DSCAM: variants seen among roughly 807,000 people sequenced by gnomAD.
DSCAM encodes the protein DS cell adhesion molecule.
A neutral mutation model predicts 217.7 loss-of-function variants in DSCAM; 47 were observed. The ratio of observed to expected loss-of-function variants is 0.22; its 90% CI spans 0.17 to 0.28. The LOEUF is 0.28. DSCAM is among the 10% of genes least tolerant of loss of function. The pLI is 1.00. For synonymous variants in DSCAM, 1,056 were observed against 1,015.3 expected, an observed-to-expected ratio of 1.04 and a Z score of -0.76; for missense variants, 2,080 against 2,618.3, an observed-to-expected ratio of 0.79 and a Z score of 4.49.
intron 2 of DSCAM, among the ~76,000 whole-genome samples, chr21:40,697,438 T>C (rs1318358708): frequency 6.6e-6 from 1 of 152,216 alleles, no homozygotes. Context: ...GTTTCCCTAG[T>C]GTTTTCTTTC....
chr21:40,804,649 A>G (rs147422153), intron 1 of DSCAM, among the ~76,000 whole-genome samples: 1 of 151,988 alleles, frequency 6.6e-6, no homozygotes, highest in African/African-American at 2.4e-5. Flanking sequence ...TCGACTACTT[A>G]TCTGTTCCTT....
At position 40,830,590 on chromosome 21, in the gene DSCAM, G is replaced by A. The variant is rs564735364; in HGVS notation, c.43+16029C>T. Among the ~76,000 whole-genome samples the A allele has an allele frequency of 4.6e-5, 7 of 152,294 alleles. No homozygotes were observed. In the South Asian group the frequency reaches 6.2e-4, roughly 14 times the overall value. Reference sequence around the variant, plus strand: ...CAGGAGTTCTGGAATTAGACTGCCCGGGTTCAAATCCTGCTTCCACCCCGG... The same window carrying A: ...CAGGAGTTCTGGAATTAGACTGCCCAGGTTCAAATCCTGCTTCCACCCCGG... On this transcript the variant is annotated intron_variant, in intron 1 of 32. Coordinates refer to ENST00000400454, the MANE Select transcript of DSCAM (RefSeq NM_001389.5).
chr21:40,654,593 C>T (rs1455202066), intron 3 of DSCAM, among the ~76,000 whole-genome samples: 1 of 152,184 alleles, frequency 6.6e-6, no homozygotes, highest in Non-Finnish European at 1.5e-5. Context: ...CTTCTGAAGG[C>T]TCGAGGAGAA....
chr21:40,630,442 G>A (rs1404336195), intron 3 of DSCAM, among the ~76,000 whole-genome samples: 5 of 152,116 alleles, frequency 3.3e-5, no homozygotes, highest in South Asian at 2.1e-4. Context: ...GGGATTACAG[G>A]TGCACGTGAC....
At chr21:40,681,534 T>C (rs2090401106) in intron 3 of DSCAM, among the ~76,000 whole-genome samples, 1 of 151,162 alleles carries the variant, frequency 6.6e-6, no homozygotes, top group African/African-American at 2.4e-5. Context: ...TATTTATCAG[T>C]TGTCTACTGT....
intron 16 of DSCAM, among the ~76,000 whole-genome samples, chr21:40,158,560 G>T (rs1223197500): frequency 6.6e-6 from 1 of 152,212 alleles, no homozygotes; most frequent in Non-Finnish European, 1.5e-5. Flanking sequence ...CACAAGTCCA[G>T]ATGCAACACG....
At chr21:40,217,998 G>C (rs889238947) in intron 11 of DSCAM, among the ~76,000 whole-genome samples, 1 of 152,124 alleles carries the variant, frequency 6.6e-6, no homozygotes, top group African/African-American at 2.4e-5. Context: ...AAGCTCTGAA[G>C]TTTAATTAGC....
intron 31 of DSCAM, 38 bp from the exon 32 acceptor site, chr21:40,042,711 C>G (rs1382836636): frequency 6.4e-7 from 1 of 1,554,024 alleles, no homozygotes; most frequent in Admixed American, 1.7e-5. Flanking sequence ...GGACGACTCA[C>G]CATCAGAAGT....
intron 3 of DSCAM, among the ~76,000 whole-genome samples, chr21:40,420,926 A>C (rs759742592): frequency 1.3e-5 from 2 of 152,092 alleles, no homozygotes; most frequent in Non-Finnish European, 2.9e-5. Context: ...AAACTGGGAG[A>C]TGATGCATTT....
At chr21:40,037,794 G>T (rs1021389531) in intron 32 of DSCAM, among the ~76,000 whole-genome samples, 2 of 141,976 alleles carry the variant, frequency 1.4e-5, no homozygotes, top group South Asian at 4.5e-4. Context: ...AACCAAAACA[G>T]CATGGTACTG....
At chr21:40,392,309 T>C (rs1284482724) in intron 3 of DSCAM, among the ~76,000 whole-genome samples, 1 of 152,144 alleles carries the variant, frequency 6.6e-6, no homozygotes, top group Admixed American at 6.6e-5. Flanking sequence ...AGATAAACAG[T>C]GTTTGATAAA....
chr21:40,617,285 G>A (rs1302885510), intron 3 of DSCAM, among the ~76,000 whole-genome samples: 1 of 151,408 alleles, frequency 6.6e-6, no homozygotes. Context: ...CACCACGCTC[G>A]GCTAATTTTT....
chr21:40,682,196 C>CA (rs34024980), intron 3 of DSCAM, among the ~76,000 whole-genome samples: 70,881 of 151,526 alleles, frequency 0.47, 16,875 homozygotes, highest in Admixed American at 0.58. Context: ...CAGAGGGATG[C>CA]GGGGGAGTGA....
intron 4 of DSCAM, among the ~76,000 whole-genome samples, chr21:40,354,848 CAAAAAA>C (rs11314417): frequency 7.4e-4 from 83 of 112,372 alleles, no homozygotes; most frequent in Non-Finnish European, 1.1e-3. Flanking sequence ...AACTCTGTCT[CAAAAAA>C]AAAAAAAAAA....
intron 27 of DSCAM, among the ~76,000 whole-genome samples, chr21:40,071,957 G>A (rs2089297579): frequency 1.3e-5 from 2 of 152,178 alleles, no homozygotes; most frequent in Non-Finnish European, 2.9e-5. Flanking sequence ...ACGTCTTTCT[G>A]GGGCAATGCC....
chr21:40,624,726 T>C (rs192549295), intron 3 of DSCAM, among the ~76,000 whole-genome samples: 1 of 152,110 alleles, frequency 6.6e-6, no homozygotes, highest in East Asian at 1.9e-4. Flanking sequence ...AAAGAAATAT[T>C]AGATTAGGAA....
At chr21:40,735,091 G>C (rs972106169) in intron 1 of DSCAM, among the ~76,000 whole-genome samples, 4 of 152,186 alleles carry the variant, frequency 2.6e-5, no homozygotes, top group Middle Eastern at 3.2e-3. Context: ...ATTACTCTCT[G>C]TTCTCTTTGC....
At chr21:40,353,428 A>G in intron 5 of DSCAM, 37 bp downstream of exon 5, 2 of 1,584,382 alleles carry the variant, frequency 1.3e-6, no homozygotes, top group Non-Finnish European at 1.7e-6. Flanking sequence ...CATCGATGGA[A>G]GCCAACACCA....
intron 3 of DSCAM, among the ~76,000 whole-genome samples, chr21:40,684,301 G>A (rs2090451035): frequency 6.6e-6 from 1 of 152,210 alleles, no homozygotes; most frequent in Admixed American, 6.5e-5. Context: ...CGCTCCACAG[G>A]CTGACGGTGG....
Sources: gnomAD v4.1 joint callset for allele counts (sites outside exome capture counted in the v4.1 genomes callset) on GRCh38, gnomAD v4.1.1 for gene constraint, MANE v1.5 for transcripts, NCBI Gene and HGNC (gene_info 2026-07-23, HGNC 2026-07-21) for gene names.